SEC16B: variants seen among roughly 807,000 people sequenced by gnomAD.
SEC16B encodes the protein protein transport protein Sec16B.
Under a neutral mutation model 141.8 loss-of-function variants are expected in SEC16B, and 115 were observed. That is an observed-to-expected ratio of 0.81 (90% CI 0.70 to 0.95). The LOEUF is 0.95. Ranked by LOEUF, SEC16B falls within the 40% of genes least tolerant of loss-of-function variation. SEC16B has a pLI of 0.00. For missense variants in SEC16B, 1,291 were observed against 1,312.3 expected (o/e 0.98, Z 0.25); for synonymous variants, 493 against 492.5 (o/e 1.00, Z -0.01).
chr1:177,975,007 C>T (rs1333765332), upstream of SEC16B, among the ~76,000 whole-genome samples: 3 of 152,190 alleles, frequency 2.0e-5, no homozygotes, highest in African/African-American at 7.2e-5. Context: ...CATAAGGGGA[C>T]AGAAACCAAG....
At chr1:177,958,704 G>A (rs1327741256) in intron 9 of SEC16B, 136 bp downstream of exon 9, 2 of 1,118,956 alleles carry the variant, frequency 1.8e-6, no homozygotes, top group Non-Finnish European at 2.5e-6. Flanking sequence ...TGACATTTGA[G>A]CAATTTTTTC....
At chr1:177,939,001 A>G (rs1651072325) in intron 18 of SEC16B, among the ~76,000 whole-genome samples, 1 of 152,226 alleles carries the variant, frequency 6.6e-6, no homozygotes, top group Non-Finnish European at 1.5e-5. Flanking sequence ...CACAATCCAC[A>G]GGCACCCAGC....
chr1:177,951,663 G>A (rs555965352), intron 12 of SEC16B, among the ~76,000 whole-genome samples: 5 of 152,292 alleles, frequency 3.3e-5, no homozygotes, highest in African/African-American at 1.2e-4. Context: ...CTCTGATCTT[G>A]GGTCATCTTA....
At chr1:177,973,364 A>G (rs1654039276), upstream of SEC16B, 1 of 152,266 alleles carries the variant, frequency 6.6e-6, no homozygotes, top group Admixed American at 6.5e-5. Flanking sequence ...ACGTGTTATC[A>G]GTAGTTATCC....
Position 177,958,197 on chromosome 1 carries a change from TG to T in SEC16B, c.1299del (p.Ser434ValfsTer29), listed in dbSNP as rs768388757. On this transcript the variant is annotated frameshift_variant, in exon 10 of 26. Coordinates refer to ENST00000308284, the MANE Select transcript of SEC16B (RefSeq NM_033127.4). LOFTEE classifies it high-confidence loss of function. Reference sequence around the variant, plus strand: ...ACGATCTGCGCAGGTGTCTCCACACTGGGGGGGATCTCTCCCGTGAGCAGGT... The same window carrying T: ...ACGATCTGCGCAGGTGTCTCCACACTGGGGGGATCTCTCCCGTGAGCAGGT... ...TPNLLTGEIP[P>X]SVETPAQIVE... 45 of 1,596,250 alleles carry T rather than the reference TG, an allele frequency of 2.8e-5. No individual in the cohort carries two copies. The highest frequency in any genetic ancestry group is 8.1e-5 in the South Asian group (7 of 86,560).
At chr1:177,980,992 GT>G (rs1280779342) in intron 1 of SEC16B, among the ~76,000 whole-genome samples, 10 of 152,198 alleles carry the variant, frequency 6.6e-5, no homozygotes, top group Admixed American at 6.5e-4. Context: ...GCAAAGAAAA[GT>G]TGAGAGCTGA....
At chr1:177,970,538 C>T (rs765163549), upstream of SEC16B, among the ~76,000 whole-genome samples, 6 of 152,262 alleles carry the variant, frequency 3.9e-5, no homozygotes, top group African/African-American at 7.2e-5. Context: ...GAAGGGGACA[C>T]GCTCACTGGT....
Position 177,937,205 on chromosome 1 carries a change from AG to A in SEC16B, c.2503+8del. The A allele has an allele frequency of 6.2e-7, 1 of 1,601,136 alleles. No individual in the cohort carries two copies. Among genetic ancestry groups the A allele is most frequent in the Admixed American group, 1.7e-5 (1 of 58,932 alleles). ...ATTCAATGTGGCCACCCTAGCGGCC[AG>A]GTCTTACCAGGGCCCAGGTGTGTCT... On this transcript the variant is annotated splice_region_variant and intron_variant, in intron 19 of 25. Coordinates refer to ENST00000308284, the MANE Select transcript of SEC16B (RefSeq NM_033127.4).
At chr1:177,951,753 A>C (rs183427781) in intron 12 of SEC16B, among the ~76,000 whole-genome samples, 161 bp downstream of exon 12, 1 of 152,326 alleles carries the variant, frequency 6.6e-6, no homozygotes, top group Admixed American at 6.5e-5. Context: ...AATAATATGC[A>C]TCAAAGCACT....
intron 15 of SEC16B, among the ~76,000 whole-genome samples, chr1:177,942,436 C>T (rs887967945): frequency 6.6e-6 from 1 of 152,080 alleles, no homozygotes; most frequent in Non-Finnish European, 1.5e-5. Flanking sequence ...GGGAGGCCGA[C>T]GCAGGTGGAT....
At chr1:177,939,137 G>A (rs1015055827) in intron 18 of SEC16B, among the ~76,000 whole-genome samples, 14 of 152,216 alleles carry the variant, frequency 9.2e-5, no homozygotes, top group African/African-American at 3.1e-4. Context: ...GGGAAGAGAC[G>A]GGGGCCCTTT....
intron 18 of SEC16B, 72 bp from the exon 19 acceptor site, chr1:177,937,585 C>T: frequency 1.6e-6 from 2 of 1,288,376 alleles, no homozygotes. Context: ...ACACCAGAAA[C>T]ATTCCTGCTT....
At chr1:177,950,378 G>C (rs1652078157) in intron 12 of SEC16B, among the ~76,000 whole-genome samples, 2 of 152,138 alleles carry the variant, frequency 1.3e-5, no homozygotes, top group South Asian at 4.1e-4. Flanking sequence ...TGGAAAACTG[G>C]GTCCTGCAGA....
chr1:177,960,152 C>G (rs1652943311), intron 8 of SEC16B, 190 bp downstream of exon 8: 1 of 577,900 alleles, frequency 1.7e-6, no homozygotes, highest in Non-Finnish European at 3.1e-6. Flanking sequence ...TGTCCTTCAA[C>G]TATTGAATGG....
At position 177,965,174 on chromosome 1, in the gene SEC16B, C is replaced by G. The variant is rs1450954199; in HGVS notation, c.413-7G>C. On this transcript the variant is annotated splice_region_variant and splice_polypyrimidine_tract_variant and intron_variant, in intron 3 of 25. Coordinates refer to ENST00000308284, the MANE Select transcript of SEC16B (RefSeq NM_033127.4). Reference sequence around the variant, plus strand: ...GGACTCCGTTGCCTTGGCACTGCACCCTCAGAGAAAACAAAATCAAGACAG... The same window carrying G: ...GGACTCCGTTGCCTTGGCACTGCACGCTCAGAGAAAACAAAATCAAGACAG... The G allele has an allele frequency of 6.2e-7, 1 of 1,612,504 alleles. No individual in the cohort carries two copies. The highest frequency in any genetic ancestry group is 8.5e-7 in the Non-Finnish European group (1 of 1,179,432).
At chr1:177,956,756 C>A (rs187435826) in intron 10 of SEC16B, among the ~76,000 whole-genome samples, 1 of 152,240 alleles carries the variant, frequency 6.6e-6, no homozygotes, top group African/African-American at 2.4e-5. Flanking sequence ...TCGGTAGAAA[C>A]TGTAATTCAA....
intron 5 of SEC16B, among the ~76,000 whole-genome samples, chr1:177,963,012 G>T (rs1653202755): frequency 6.6e-6 from 1 of 151,824 alleles, no homozygotes; most frequent in Non-Finnish European, 1.5e-5. Context: ...GAAGGCCGAG[G>T]CAGGAGGATC....
intron 25 of SEC16B, among the ~76,000 whole-genome samples, 164 bp from the exon 26 acceptor site, chr1:177,930,093 G>A (rs192241653): frequency 6.6e-6 from 1 of 152,244 alleles, no homozygotes; most frequent in Admixed American, 6.5e-5. Flanking sequence ...CCTAACTGTG[G>A]TAAAAGAAAT....
chr1:177,973,097 C>G (rs1476844718), upstream of SEC16B: 1 of 152,152 alleles, frequency 6.6e-6, no homozygotes, highest in South Asian at 2.1e-4. Context: ...AAGACACTAC[C>G]CTAGTTTGAC....
Sources: gnomAD v4.1 joint callset for allele counts (sites outside exome capture counted in the v4.1 genomes callset) on GRCh38, gnomAD v4.1.1 for gene constraint, MANE v1.5 for transcripts, NCBI Gene and HGNC (gene_info 2026-07-23, HGNC 2026-07-21) for gene names.